Variants in WWP1 observed in about 807,000 individuals in gnomAD.
The protein encoded by WWP1 is NEDD4-like E3 ubiquitin-protein ligase WWP1.
In WWP1, 49 loss-of-function variants were observed where a neutral mutation model predicts 130.6. That is an observed-to-expected ratio of 0.38 (90% CI 0.30 to 0.48). The LOEUF is 0.48. Among genes scored for constraint, WWP1 ranks in the 20% least tolerant of loss-of-function variants. The probability of loss-of-function intolerance (pLI) is 0.99; values close to 1 mark genes in which losing one functional copy is unlikely to be tolerated. For missense variants in WWP1, 809 were observed against 1,100.6 expected, an observed-to-expected ratio of 0.74 and a Z score of 3.75; for synonymous variants, 332 against 367.8, an observed-to-expected ratio of 0.90 and a Z score of 1.11.
At chr8:86,460,541 T>C (rs1310392704) in intron 22 of WWP1, among the ~76,000 whole-genome samples, 1 of 152,172 alleles carries the variant, frequency 6.6e-6, no homozygotes, top group Non-Finnish European at 1.5e-5. Context: ...CAGGAACCCT[T>C]AATAGCTATT....
chr8:86,345,626 C>T (rs1012145057), intron 1 of WWP1, among the ~76,000 whole-genome samples: 4 of 147,506 alleles, frequency 2.7e-5, no homozygotes, highest in South Asian at 2.2e-4. Flanking sequence ...TGCCCAGGCT[C>T]GTGTTGAACT....
intron 9 of WWP1, among the ~76,000 whole-genome samples, chr8:86,413,630 C>T (rs899029262): frequency 2.6e-5 from 4 of 152,210 alleles, no homozygotes; most frequent in South Asian, 2.1e-4. Flanking sequence ...TCAGTAGAGC[C>T]GACTGCACAT....
At chr8:86,395,409 GAT>G (rs10541166) in intron 5 of WWP1, among the ~76,000 whole-genome samples, 110,816 of 151,874 alleles carry the variant, frequency 0.73, 41,287 homozygotes, top group African/African-American at 0.82. Flanking sequence ...TTTTTGAGGA[GAT>G]ATATTTTAAG....
At chr8:86,432,751 G>A (rs1480692027) in intron 14 of WWP1, among the ~76,000 whole-genome samples, 9 of 151,992 alleles carry the variant, frequency 5.9e-5, no homozygotes, top group African/African-American at 1.4e-4. Context: ...GGGATTACAG[G>A]CACCCGCCAC....
chr8:86,436,035 C>G (rs1348515964), intron 16 of WWP1, among the ~76,000 whole-genome samples: 1 of 152,130 alleles, frequency 6.6e-6, no homozygotes, highest in Non-Finnish European at 1.5e-5. Flanking sequence ...ACTAAACCTT[C>G]CCATATACTG....
intron 5 of WWP1, among the ~76,000 whole-genome samples, chr8:86,396,831 C>G (rs1341450392): frequency 6.6e-6 from 1 of 152,058 alleles, no homozygotes; most frequent in Non-Finnish European, 1.5e-5. Context: ...AACTCCTGGG[C>G]TCAAGTGATG....
chr8:86,412,004 C>A, intron 9 of WWP1, 130 bp downstream of exon 9: 1 of 882,712 alleles, frequency 1.1e-6, no homozygotes. Flanking sequence ...CTGAATCATA[C>A]TATTTATTTA....
At chr8:86,409,666 C>T (rs746386183) in intron 8 of WWP1, among the ~76,000 whole-genome samples, 3 of 151,686 alleles carry the variant, frequency 2.0e-5, no homozygotes, top group Non-Finnish European at 2.9e-5. Context: ...TCAAGACTGG[C>T]CTGGCCAACA....
At chr8:86,373,762 T>TG (rs1047220486) in intron 2 of WWP1, among the ~76,000 whole-genome samples, 6 of 152,294 alleles carry the variant, frequency 3.9e-5, no homozygotes, top group Admixed American at 1.3e-4. Context: ...TCCTTCCCCT[T>TG]GTAGCAGGCC....
rs112695304 is a variant in WWP1 at position 86,452,719 on chromosome 8, G to T, written c.2394+40G>T. 3.9e-4 allele frequency: 631 copies of T among 1,602,994 alleles called. 6 individuals carry two copies. The Middle Eastern group carries it at 4.0e-3, about 10-fold the overall frequency. ...TTATGCTATTGTAGGGAATGTTAGT[G>T]GGGGGAGGGACTAATTTAGTGCTTT... is the stretch of plus-strand genomic sequence containing the variant. On this transcript the variant is annotated intron_variant, in intron 21 of 24. Transcript: ENST00000517970.
intron 14 of WWP1, among the ~76,000 whole-genome samples, chr8:86,431,976 G>A (rs1810002365): frequency 6.6e-6 from 1 of 152,144 alleles, no homozygotes; most frequent in Admixed American, 6.5e-5. Context: ...TACTTCATAG[G>A]TATTAACTCA....
At chr8:86,437,868 C>T (rs1586461575) in intron 16 of WWP1, among the ~76,000 whole-genome samples, 2 of 152,128 alleles carry the variant, frequency 1.3e-5, no homozygotes, top group East Asian at 1.9e-4. Flanking sequence ...GGCACGATCT[C>T]GGCTCACTGC....
chr8:86,360,419 T>C (rs1370210608), intron 1 of WWP1, among the ~76,000 whole-genome samples: 1 of 152,222 alleles, frequency 6.6e-6, no homozygotes, highest in Non-Finnish European at 1.5e-5. Flanking sequence ...CTTGAAGTTT[T>C]CTTTTGGTTT....
intron 3 of WWP1, among the ~76,000 whole-genome samples, chr8:86,380,303 A>G (rs1242261887): frequency 6.6e-6 from 1 of 152,124 alleles, no homozygotes; most frequent in Non-Finnish European, 1.5e-5. Context: ...AGAATAGGCA[A>G]ATTTAAAGAG....
At chr8:86,380,646 A>T in intron 3 of WWP1, 80 bp from the exon 4 acceptor site, 8 of 1,418,828 alleles carry the variant, frequency 5.6e-6, no homozygotes, top group Non-Finnish European at 7.4e-6. Flanking sequence ...AAGAAGCACA[A>T]TTCCATTCTT....
At chr8:86,445,544 C>G (rs925908559) in intron 18 of WWP1, among the ~76,000 whole-genome samples, 4 of 152,254 alleles carry the variant, frequency 2.6e-5, no homozygotes, top group South Asian at 2.1e-4. Flanking sequence ...TTTCATGGTG[C>G]TTACAGTCCA....
chr8:86,463,715 T>C (rs72690409), intron 24 of WWP1, among the ~76,000 whole-genome samples: 8,252 of 152,174 alleles, frequency 0.054, 315 homozygotes, highest in Non-Finnish European at 0.086. Context: ...AAATGATCAG[T>C]GAATGCTGCA....
intron 9 of WWP1, among the ~76,000 whole-genome samples, chr8:86,423,901 G>GC (rs1809403269): frequency 1.5e-5 from 2 of 129,490 alleles, no homozygotes; most frequent in Admixed American, 1.5e-4. Flanking sequence ...GGCGGGGGCT[G>GC]CCCCCCACCT....
At chr8:86,350,753 T>C (rs1453456789) in intron 1 of WWP1, among the ~76,000 whole-genome samples, 1 of 152,230 alleles carries the variant, frequency 6.6e-6, no homozygotes, top group African/African-American at 2.4e-5. Context: ...AGCTGTTCAG[T>C]ATACTCATAA....
Sources: allele counts gnomAD v4.1 joint callset (sites outside exome capture counted in the v4.1 genomes callset), GRCh38; gene constraint gnomAD v4.1.1; transcripts MANE v1.5; gene names NCBI Gene and HGNC (gene_info 2026-07-23, HGNC 2026-07-21).